RYR2: variants seen among roughly 807,000 people sequenced by gnomAD.
RYR2 encodes cardiac muscle ryanodine receptor-calcium release channel.
RYR2 carries 227 observed loss-of-function variants against 601.1 expected under a neutral mutation model. The observed-to-expected ratio is 0.38, with a 90% confidence interval of 0.34 to 0.42. The LOEUF (loss-of-function observed/expected upper bound fraction) is 0.42. Ranked by LOEUF, RYR2 falls within the 10% of genes least tolerant of loss-of-function variation. The pLI is 1.00. For missense variants in RYR2, 4,646 were observed against 6,156.5 expected (o/e 0.75, Z 8.21); for synonymous variants, 2,223 against 2,175.1 (o/e 1.02, Z -0.61).
chr1:237,485,324 T>G (rs540677662), intron 17 of RYR2, among the ~76,000 whole-genome samples: 2 of 152,314 alleles, frequency 1.3e-5, no homozygotes, highest in South Asian at 4.1e-4. Context: ...ATTCATTCAC[T>G]TATTCATTTG....
At chr1:237,167,708 CTTTTTTTTTTT>C (rs11288225) in intron 1 of RYR2, among the ~76,000 whole-genome samples, 1 of 101,112 alleles carries the variant, frequency 9.9e-6, no homozygotes, top group Non-Finnish European at 1.9e-5. Flanking sequence ...GATCCACCTC[CTTTTTTTTTTT>C]TTTTTTTTTT....
chr1:237,677,146 CAA>C (rs1482233473), intron 60 of RYR2, among the ~76,000 whole-genome samples: 3 of 152,198 alleles, frequency 2.0e-5, no homozygotes, highest in Admixed American at 6.5e-5. Context: ...ACTATTATCT[CAA>C]GTTATTATTA....
chr1:237,148,527 A>ATATATATATATATATAT (rs1158996552), intron 1 of RYR2, among the ~76,000 whole-genome samples: 1 of 83,916 alleles, frequency 1.2e-5, no homozygotes, highest in African/African-American at 4.3e-5. Context: ...AAAAAAAAAA[A>ATATATATATATATATAT]ATATATATAT....
In RYR2 at chr1:237,763,753, C is replaced by A. The variant is rs1054652722; in HGVS notation, c.11476+2725C>A. Among the ~76,000 whole-genome samples the A allele has an allele frequency of 4.6e-5, 7 of 152,146 alleles. No homozygotes were observed. The South Asian group carries it at 1.5e-3, about 32-fold the overall frequency. On this transcript the variant is annotated intron_variant, in intron 84 of 104. Transcript: ENST00000366574. ...ACCTATTAGGAGCATATGTAAGGGC[C>A]ACTCATTAGCTCTATTAATATTACA... is the stretch of plus-strand genomic sequence containing the variant.
intron 1 of RYR2, among the ~76,000 whole-genome samples, chr1:237,148,836 A>C (rs1033781089): frequency 6.6e-6 from 1 of 151,864 alleles, no homozygotes; most frequent in African/African-American, 2.4e-5. Flanking sequence ...AAATACTAAG[A>C]CCTTTGTGAT....
At chr1:237,622,955 A>T (rs1427509755) in intron 38 of RYR2, among the ~76,000 whole-genome samples, 1 of 152,210 alleles carries the variant, frequency 6.6e-6, no homozygotes, top group African/African-American at 2.4e-5. Context: ...CATTTCAGAT[A>T]AGGGATACTC....
chr1:237,597,075 C>A (rs1195222800), intron 34 of RYR2, among the ~76,000 whole-genome samples: 1 of 152,096 alleles, frequency 6.6e-6, no homozygotes, highest in South Asian at 2.1e-4. Flanking sequence ...AAAACCCATT[C>A]GTAGAAGTAA....
intron 41 of RYR2, among the ~76,000 whole-genome samples, chr1:237,629,967 A>G (rs1371717467): frequency 6.6e-6 from 1 of 152,152 alleles, no homozygotes; most frequent in African/African-American, 2.4e-5. Context: ...GAGTCTTTAT[A>G]ATTGTATGAG....
intron 35 of RYR2, among the ~76,000 whole-genome samples, chr1:237,606,734 AAAAC>A (rs1388924926): frequency 3.9e-5 from 6 of 152,208 alleles, no homozygotes; most frequent in Admixed American, 6.5e-5. Context: ...TTACAAGAAA[AAAAC>A]AAACAACCCC....
At chr1:237,303,154 G>T (rs1490464613) in intron 2 of RYR2, among the ~76,000 whole-genome samples, 2 of 152,002 alleles carry the variant, frequency 1.3e-5, no homozygotes, top group East Asian at 3.9e-4. Context: ...TATACACGTG[G>T]TCACAAACCA....
chr1:237,464,868 C>T (rs1304782060), intron 16 of RYR2, among the ~76,000 whole-genome samples: 1 of 152,108 alleles, frequency 6.6e-6, no homozygotes, highest in African/African-American at 2.4e-5. Context: ...GGTAATGTCA[C>T]CATTTACTTA....
chr1:237,474,845 T>G (rs1404389804), intron 17 of RYR2, among the ~76,000 whole-genome samples: 2 of 152,032 alleles, frequency 1.3e-5, no homozygotes, highest in Non-Finnish European at 2.9e-5. Flanking sequence ...GGAGCCTGAG[T>G]GGTCGATGGC....
chr1:237,634,152 C>A (rs11585501), intron 43 of RYR2, among the ~76,000 whole-genome samples: 15,015 of 152,094 alleles, frequency 0.099, 1,132 homozygotes, highest in African/African-American at 0.22. Context: ...CGAAGAGATA[C>A]GTGTACTTCC....
intron 2 of RYR2, among the ~76,000 whole-genome samples, chr1:237,280,627 T>G (rs183269965): frequency 6.6e-6 from 1 of 152,340 alleles, no homozygotes; most frequent in East Asian, 1.9e-4. Flanking sequence ...CAATGTAGAA[T>G]AAGTGATTAG....
At chr1:237,612,667 A>G (rs568165225) in intron 36 of RYR2, among the ~76,000 whole-genome samples, 1 of 152,280 alleles carries the variant, frequency 6.6e-6, no homozygotes, top group South Asian at 2.1e-4. Context: ...GAAAATACCG[A>G]ACAACCAAAA....
At chr1:237,308,667 GA>G (rs1182925491) in intron 2 of RYR2, among the ~76,000 whole-genome samples, 2 of 152,182 alleles carry the variant, frequency 1.3e-5, no homozygotes, top group Non-Finnish European at 2.9e-5. Context: ...GAATAAAGCT[GA>G]GGACCTTAGC....
chr1:237,820,837 G>A (rs537594025), intron 101 of RYR2, among the ~76,000 whole-genome samples: 16 of 139,282 alleles, frequency 1.1e-4, no homozygotes, highest in Non-Finnish European at 2.0e-4. Context: ...GCTTGGTGGA[G>A]GGAGGGCATC....
At chr1:237,059,452 C>T (rs1252785385) in intron 1 of RYR2, among the ~76,000 whole-genome samples, 1 of 152,062 alleles carries the variant, frequency 6.6e-6, no homozygotes, top group African/African-American at 2.4e-5. Flanking sequence ...CATAACTTAG[C>T]AGTACAGCTT....
At chr1:237,561,248 G>C (rs1183254874) in intron 27 of RYR2, among the ~76,000 whole-genome samples, 1 of 152,208 alleles carries the variant, frequency 6.6e-6, no homozygotes, top group Non-Finnish European at 1.5e-5. Flanking sequence ...AATGAGAATA[G>C]AGTGGCATAT....
Sources: gnomAD v4.1 joint callset for allele counts (sites outside exome capture counted in the v4.1 genomes callset) on GRCh38, gnomAD v4.1.1 for gene constraint, MANE v1.5 for transcripts, NCBI Gene and HGNC (gene_info 2026-07-23, HGNC 2026-07-21) for gene names.